MCM3: variants seen among roughly 807,000 people sequenced by gnomAD.
MCM3 encodes DNA replication licensing factor MCM3.
MCM3 carries 59 observed loss-of-function variants against 91.3 expected under a neutral mutation model. The observed-to-expected ratio is 0.65, with a 90% CI of 0.52 to 0.80. The LOEUF is 0.80. MCM3 is among the 30% of genes least tolerant of loss of function. The pLI is 0.00. For synonymous variants in MCM3, 383 were observed against 379.6 expected, an observed-to-expected ratio of 1.01 and a Z score of -0.10; for missense variants, 919 against 1,035.4, an observed-to-expected ratio of 0.89 and a Z score of 1.54.
In MCM3 at chr6:52,283,391, A is replaced by G; in HGVS notation, c.94T>C (p.Tyr32His). ...ATCAGCTCCCGAACTTTGCTCTGATAAATTCCCTGGTCTTCCTGCAAAACA... is the reference window on the plus strand; with the variant it reads ...ATCAGCTCCCGAACTTTGCTCTGATGAATTCCCTGGTCTTCCTGCAAAACA... ...FLDDEEDQGI[Y>H]QSKVRELISD... Residue 32 changes from tyrosine to histidine, a missense_variant, in exon 2 of 17, where the codon TAT becomes CAT. Physicochemically the swap from Tyr to His is moderately conservative, Grantham distance 83. Transcript: ENST00000596288. The G allele has an allele frequency of 6.2e-7, 1 of 1,613,946 alleles. No individual in the cohort carries two copies. The highest frequency in any genetic ancestry group is 8.5e-7 in the Non-Finnish European group (1 of 1,179,782).
At position 52,283,395 on chromosome 6, in the gene MCM3, T is replaced by C. The variant is rs1766325904; in HGVS notation, c.90A>G (p.Gly30=). The C allele has an allele frequency of 6.2e-7, 1 of 1,613,020 alleles. No individual in the cohort carries two copies. Among genetic ancestry groups the C allele is most frequent in the African/African-American group, 1.3e-5 (1 of 74,902 alleles). ...GCTCCCGAACTTTGCTCTGATAAAT[T>C]CCCTGGTCTTCCTGCAAAACAGCCA... ...LDFLDDEEDQ[G]IYQSKVRELI... The change falls in exon 2 of 17, where the codon GGA becomes GGG. Residue 30 remains glycine (G), a synonymous_variant. Transcript: ENST00000596288.
In MCM3 at chr6:52,269,082, T is replaced by A. The variant is rs933415885; in HGVS notation, c.1968+4A>T. The A allele has an allele frequency of 6.2e-7, 1 of 1,609,926 alleles. No homozygotes were observed. Among genetic ancestry groups the A allele is most frequent in the African/African-American group, 1.3e-5 (1 of 74,890 alleles). ...CTCTCATGCCCAGGCATCTGAATCC[T>A]CACCTTCTTAAAGTAAGCATACTGG... On this transcript the variant is annotated splice_donor_region_variant and intron_variant, in intron 13 of 16. Transcript: ENST00000596288.
chr6:52,283,248 A>T, intron 2 of MCM3, 46 bp downstream of exon 2: 1 of 1,496,470 alleles, frequency 6.7e-7, no homozygotes, highest in Non-Finnish European at 9.3e-7. Context: ...CCAAGAGGGA[A>T]GGGAGCCATT....
At chr6:52,283,138 GAAAAAAAA>G (rs59102970) in intron 2 of MCM3, among the ~76,000 whole-genome samples, 148 bp downstream of exon 2, 2 of 136,354 alleles carry the variant, frequency 1.5e-5, no homozygotes, top group African/African-American at 2.7e-5. Flanking sequence ...CCCACTTTTT[GAAAAAAAA>G]AAAAAAAAAA....
chr6:52,271,880 C>T (rs1400509286), intron 12 of MCM3, among the ~76,000 whole-genome samples: 5 of 152,186 alleles, frequency 3.3e-5, no homozygotes, highest in African/African-American at 1.2e-4. Flanking sequence ...CTTTCACGTT[C>T]ATTCCTTTGT....
chr6:52,277,324 C>G lies in MCM3; in HGVS notation c.1034-126G>C. On this transcript the variant is annotated intron_variant, in intron 7 of 16. Transcript: ENST00000596288. ...TAAGTGGATTTTAATATTTTTCCTT[C>G]GCTTTTCCCTTCACCACTCACGGAA... 6.3e-6 allele frequency: 7 copies of G among 1,110,720 alleles called. No individual in the cohort carries two copies. In the South Asian group the frequency reaches 1.0e-4, roughly 16 times the overall value. 68.8% of individuals were successfully genotyped at this position (1,110,720 alleles called of 1,614,324 possible).
chr6:52,265,315 G>T, intron 16 of MCM3: 1 of 432,102 alleles, frequency 2.3e-6, no homozygotes, highest in Non-Finnish European at 4.6e-6. Flanking sequence ...CCTTTTGGGA[G>T]GCTCAGGTAG....
At position 52,264,578 on chromosome 6, in the gene MCM3, C is replaced by T. The variant is rs200538750; in HGVS notation, c.*10G>A. 2.3e-5 allele frequency: 37 copies of T among 1,613,974 alleles called. No homozygotes were observed. The highest frequency in any genetic ancestry group is 1.3e-4 in the East Asian group (6 of 44,876). On this transcript the variant is annotated 3_prime_UTR_variant, in exon 17 of 17. Coordinates refer to ENST00000596288, the MANE Select transcript of MCM3 (RefSeq NM_002388.6). ...TCTCGGCACAACCCAAGTTCAGAGA[C>T]GAGGCCTCCTCAGATGAGGAAGATG... is the stretch of plus-strand genomic sequence containing the variant.
intron 2 of MCM3, 44 bp from the exon 3 acceptor site, chr6:52,282,905 CA>C (rs766497989): frequency 6.4e-6 from 9 of 1,402,120 alleles, no homozygotes; most frequent in South Asian, 1.2e-5. Flanking sequence ...GGGCAGAACT[CA>C]AAAAAATGGA....
At chr6:52,274,509 T>A (rs1354586356) in intron 9 of MCM3, among the ~76,000 whole-genome samples, 1 of 151,712 alleles carries the variant, frequency 6.6e-6, no homozygotes, top group Non-Finnish European at 1.5e-5. Flanking sequence ...CAAAACCCTG[T>A]CCCTATAAAA....
At position 52,273,291 on chromosome 6, in the gene MCM3, G is replaced by T; in HGVS notation, c.1615C>A (p.Gln539Lys). Residue 539 changes from glutamine to lysine, a missense_variant, in exon 11 of 17, where the codon CAG becomes AAG. This residue lies in a region of MCM3 where 233 missense variants were observed against 321.2 expected (regional missense o/e 0.73). Coordinates refer to ENST00000596288, the MANE Select transcript of MCM3 (RefSeq NM_002388.6). ...TDDPNFSQED[Q>K]QDTQIYEKHD... The stretch of plus-strand genomic sequence containing the variant: ...TTCTCATAAATCTGGGTGTCCTGCT[G>T]ATCTTCCTGGCTAAAGTTGGGATCA... 6.2e-7 allele frequency: 1 copy of T among 1,614,190 alleles called. No homozygotes were observed. The highest frequency in any genetic ancestry group is 8.5e-7 in the Non-Finnish European group (1 of 1,180,024).
At chr6:52,268,146 C>G (rs916199200) in intron 13 of MCM3, among the ~76,000 whole-genome samples, 178 bp from the exon 14 acceptor site, 1 of 152,202 alleles carries the variant, frequency 6.6e-6, no homozygotes, top group African/African-American at 2.4e-5. Flanking sequence ...GACTGCTACC[C>G]ATCTTTTCAA....
At position 52,264,862 on chromosome 6, in the gene MCM3, A is replaced by G. The variant is rs940843067; in HGVS notation, c.2229-76T>C. 5.5e-6 allele frequency: 7 copies of G among 1,272,862 alleles called. No individual in the cohort carries two copies. The Admixed American group carries it at 1.2e-4, about 22-fold the overall frequency. The allele number at this position is 1,272,862 out of a possible 1,614,324, so 78.8% of individuals were successfully genotyped here. ...CTCAGGAAACAGCTATACTAGGAAA[A>G]TCCATAGTATTAATACAGTAGAGGC... On this transcript the variant is annotated intron_variant, in intron 16 of 16. Transcript: ENST00000596288.
In MCM3 at chr6:52,273,808, G is replaced by A. The variant is rs148636199; in HGVS notation, c.1483C>T (p.Arg495Trp). 165 of 1,614,084 alleles carry A rather than the reference G, an allele frequency of 1.0e-4. No homozygotes were observed. The highest frequency in any genetic ancestry group is 1.3e-4 in the Non-Finnish European group (149 of 1,180,006). The change falls in exon 10 of 17, where the codon CGG becomes TGG. Residue 495 changes from arginine to tryptophan, a missense_variant. Arg to Trp is a moderately radical substitution (Grantham distance 101). This residue lies in a region of MCM3 where 233 missense variants were observed against 321.2 expected (regional missense o/e 0.73). Coordinates refer to ENST00000596288, the MANE Select transcript of MCM3 (RefSeq NM_002388.6). ...MLDQMDPEQD[R>W]EISDHVLRMH... Reference sequence around the variant, plus strand: ...CGAAGGACATGGTCTGAGATCTCCCGATCCTGCTCAGGATCCATCTGATCC... The same window carrying A: ...CGAAGGACATGGTCTGAGATCTCCCAATCCTGCTCAGGATCCATCTGATCC...
At chr6:52,270,866 C>T (rs1765073475) in intron 12 of MCM3, among the ~76,000 whole-genome samples, 1 of 152,184 alleles carries the variant, frequency 6.6e-6, no homozygotes, top group Admixed American at 6.5e-5. Context: ...TAGGTTTAAG[C>T]TTAATAAATA....
chr6:52,270,688 G>A (rs1489777046), intron 12 of MCM3, among the ~76,000 whole-genome samples: 2 of 152,120 alleles, frequency 1.3e-5, no homozygotes, highest in East Asian at 3.9e-4. Context: ...AATTAAAATA[G>A]TGTATGACGC....
chr6:52,283,805 T>C (rs894436280), intron 1 of MCM3, among the ~76,000 whole-genome samples: 5 of 152,254 alleles, frequency 3.3e-5, no homozygotes, highest in Non-Finnish European at 7.3e-5. Flanking sequence ...AATAGATGGA[T>C]ATGTTGTTTC....
chr6:52,277,616 G>A lies in MCM3; in HGVS notation c.952C>T (p.Leu318Phe). 6.2e-7 allele frequency: 1 copy of A among 1,613,880 alleles called. No individual in the cohort carries two copies. Among genetic ancestry groups the A allele is most frequent in the Non-Finnish European group, 8.5e-7 (1 of 1,179,818 alleles). Residue 318 changes from leucine to phenylalanine, a missense_variant, in exon 7 of 17, where the codon CTC (leucine) becomes TTC (phenylalanine). Transcript: ENST00000596288. ...HGHDYVKKAI[L>F]CLLLGGVERD... Reference sequence around the variant, plus strand: ...TCCACCCCTCCCAAGAGCAAGCAGAGGATTGCTTTCTTGACATAGTCATGC... The same window carrying A: ...TCCACCCCTCCCAAGAGCAAGCAGAAGATTGCTTTCTTGACATAGTCATGC...
chr6:52,269,170 A>G lies in MCM3; in HGVS notation c.1884T>C (p.His628=), dbSNP rs1182190239. ...LETLIRLATA[H]AKARMSKTVD... is the part of the protein sequence containing the mutation. ...CAGTCTTGCTCATGCGGGCCTTCGC[A>G]TGGGCTGTGGCCAGTCGAATCAGAG... Residue 628 remains histidine (H), a synonymous_variant, in exon 13 of 17, where the codon CAT becomes CAC. Coordinates refer to ENST00000596288, the MANE Select transcript of MCM3 (RefSeq NM_002388.6). The G allele has an allele frequency of 2.5e-6, 4 of 1,614,030 alleles. 1 individual carries two copies. Among genetic ancestry groups the G allele is most frequent in the South Asian group, 2.2e-5 (2 of 91,064 alleles).
Sources: gnomAD v4.1 joint callset for allele counts (sites outside exome capture counted in the v4.1 genomes callset) on GRCh38, gnomAD v4.1.1 for gene constraint, gnomAD v4.1.1 regional missense constraint, MANE v1.5 for transcripts, NCBI Gene and HGNC (gene_info 2026-07-23, HGNC 2026-07-21) for gene names.